The following OSBPL8 variants were observed in gnomAD, a reference collection of about 807,000 sequenced individuals.
The protein encoded by OSBPL8 is oxysterol-binding protein-related protein 8.
In OSBPL8, 59 loss-of-function variants were observed where a neutral mutation model predicts 125.5. The observed-to-expected ratio is 0.47, with a 90% CI of 0.38 to 0.58. The LOEUF is 0.58. Ranked by LOEUF, OSBPL8 falls within the 20% of genes least tolerant of loss-of-function variation. The pLI, the probability that OSBPL8 is intolerant of heterozygous loss-of-function variation, is 0.00. For missense variants in OSBPL8, 758 were observed against 1,047.8 expected (o/e 0.72, Z 3.82); for synonymous variants, 330 against 338.9 (o/e 0.97, Z 0.29).
intron 2 of OSBPL8, chr12:76,486,221 A>C (rs1307299160): frequency 1.1e-5 from 3 of 278,646 alleles, no homozygotes; most frequent in Non-Finnish European, 2.2e-5. Flanking sequence ...TAGTCAGCAA[A>C]ACTGCATTTT....
rs1223673937 is a variant in OSBPL8 at position 76,369,625 on chromosome 12, T to G, written c.2240+12A>C. 6.2e-7 allele frequency: 1 copy of G among 1,606,676 alleles called. No individual in the cohort carries two copies. The highest frequency in any genetic ancestry group is 8.5e-7 in the Non-Finnish European group (1 of 1,174,204). On this transcript the variant is annotated intron_variant, in intron 20 of 23. Coordinates refer to ENST00000261183, the MANE Select transcript of OSBPL8 (RefSeq NM_020841.5). ...ATACATTGTTTGAAATAAACTATTT[T>G]AAGTTACTTACTCTGCAAACTTGTA...
In OSBPL8 at chr12:76,402,774, C is replaced by T. The variant is rs756060401; in HGVS notation, c.289-8G>A. ...ATAAAGTTTAGATTCAGACTGAAAT[C>T]ATACAGAAACAAGAGAAATTAAATC... On this transcript the variant is annotated splice_polypyrimidine_tract_variant and splice_region_variant and intron_variant, in intron 5 of 23. Coordinates refer to ENST00000261183, the MANE Select transcript of OSBPL8 (RefSeq NM_020841.5). 4.0e-5 allele frequency: 62 copies of T among 1,549,584 alleles called. 1 individual carries two copies. In the East Asian group the frequency reaches 1.3e-3, roughly 33 times the overall value.
chr12:76,414,256 A>T (rs984933963), intron 4 of OSBPL8, among the ~76,000 whole-genome samples: 1 of 152,140 alleles, frequency 6.6e-6, no homozygotes, highest in South Asian at 2.1e-4. Context: ...CTTAAAGTAC[A>T]GTATTGCCTA....
intron 1 of OSBPL8, among the ~76,000 whole-genome samples, chr12:76,540,871 C>T (rs1029318672): frequency 1.3e-5 from 2 of 152,138 alleles, no homozygotes; most frequent in Non-Finnish European, 2.9e-5. Context: ...AAAACCTTAA[C>T]ATATTAGAAT....
At chr12:76,524,264 C>A (rs1950103981) in intron 1 of OSBPL8, among the ~76,000 whole-genome samples, 1 of 152,110 alleles carries the variant, frequency 6.6e-6, no homozygotes, top group Non-Finnish European at 1.5e-5. Flanking sequence ...TAATAGCAGG[C>A]ACAAAAATTT....
chr12:76,558,316 T>C (rs193278879), intron 1 of OSBPL8, among the ~76,000 whole-genome samples: 148 of 152,298 alleles, frequency 9.7e-4, no homozygotes, highest in African/African-American at 3.2e-3. Flanking sequence ...AAATCAAGTT[T>C]AGATGAAACT....
intron 1 of OSBPL8, among the ~76,000 whole-genome samples, chr12:76,527,349 AC>A: frequency 6.6e-6 from 1 of 152,252 alleles, no homozygotes; most frequent in South Asian, 2.1e-4. Flanking sequence ...TTCAATTAAA[AC>A]CCTTTGATCC....
intron 5 of OSBPL8, among the ~76,000 whole-genome samples, chr12:76,405,803 T>C (rs561839377): frequency 4.6e-5 from 7 of 152,240 alleles, no homozygotes; most frequent in African/African-American, 7.2e-5. Flanking sequence ...TAAACTTTAT[T>C]GACCACTCTC....
chr12:76,445,596 A>T (rs1872646588), intron 4 of OSBPL8, among the ~76,000 whole-genome samples: 1 of 152,226 alleles, frequency 6.6e-6, no homozygotes, highest in African/African-American at 2.4e-5. Context: ...GATGTAAAAG[A>T]TGGCCAATGA....
chr12:76,359,525 A>T (rs1952118376), intron 21 of OSBPL8, among the ~76,000 whole-genome samples: 1 of 152,216 alleles, frequency 6.6e-6, no homozygotes. Context: ...TAAACTTAAA[A>T]ACCTAAATGC....
chr12:76,480,167 C>CA (rs57582036), intron 2 of OSBPL8, among the ~76,000 whole-genome samples: 15,120 of 56,028 alleles, frequency 0.27, 2,149 homozygotes, highest in East Asian at 0.38. Context: ...AACTCCATCT[C>CA]AAAAAAAAAA....
chr12:76,418,657 C>G (rs944054769), intron 4 of OSBPL8, among the ~76,000 whole-genome samples: 1 of 151,512 alleles, frequency 6.6e-6, no homozygotes, highest in African/African-American at 2.4e-5. Context: ...ATGGTGAAAC[C>G]CCCATCTCTA....
intron 6 of OSBPL8, among the ~76,000 whole-genome samples, chr12:76,400,834 G>A (rs557445889): frequency 6.7e-6 from 1 of 149,854 alleles, no homozygotes; most frequent in East Asian, 2.0e-4. Flanking sequence ...TGTAACCCAG[G>A]CTGGAGTGCA....
chr12:76,553,224 C>A (rs1462822808), intron 1 of OSBPL8, among the ~76,000 whole-genome samples: 1 of 152,064 alleles, frequency 6.6e-6, no homozygotes, highest in East Asian at 1.9e-4. Context: ...CCACATGGGC[C>A]CCAGCCTTCC....
intron 2 of OSBPL8, among the ~76,000 whole-genome samples, chr12:76,469,049 T>C (rs1417346915): frequency 6.6e-6 from 1 of 152,174 alleles, no homozygotes; most frequent in Non-Finnish European, 1.5e-5. Context: ...CCTCTAGCAT[T>C]TGCCACTGCT....
intron 1 of OSBPL8, among the ~76,000 whole-genome samples, chr12:76,527,555 A>ATGGGTC (rs1440192897): frequency 6.6e-6 from 1 of 152,206 alleles, no homozygotes; most frequent in Non-Finnish European, 1.5e-5. Context: ...GCTATAATAC[A>ATGGGTC]TGGGTCTGAG....
intron 1 of OSBPL8, among the ~76,000 whole-genome samples, chr12:76,506,164 T>G (rs1396181173): frequency 6.6e-6 from 1 of 152,228 alleles, no homozygotes; most frequent in Non-Finnish European, 1.5e-5. Flanking sequence ...TAAGCAGAGT[T>G]TGTGCCCAAA....
chr12:76,365,861 AT>A (rs1199140649), intron 21 of OSBPL8, among the ~76,000 whole-genome samples: 1 of 152,042 alleles, frequency 6.6e-6, no homozygotes, highest in Non-Finnish European at 1.5e-5. Flanking sequence ...TGACCATGTG[AT>A]TTTCCCCCCT....
intron 15 of OSBPL8, among the ~76,000 whole-genome samples, chr12:76,382,330 T>C (rs2059040889): frequency 6.6e-6 from 1 of 152,156 alleles, no homozygotes; most frequent in South Asian, 2.1e-4. Context: ...TTACCTATAC[T>C]TTTTGGTGGC....
Sources: gnomAD v4.1 joint callset for allele counts (sites outside exome capture counted in the v4.1 genomes callset) on GRCh38, gnomAD v4.1.1 for gene constraint, MANE v1.5 for transcripts, NCBI Gene and HGNC (gene_info 2026-07-23, HGNC 2026-07-21) for gene names.